Variants in BORA observed in about 807,000 individuals in gnomAD.
The protein encoded by BORA is BORA aurora kinase A activator.
A neutral mutation model predicts 55.8 loss-of-function variants in BORA; 26 were observed. The ratio of observed to expected loss-of-function variants is 0.47; its 90% confidence interval spans 0.34 to 0.65. The LOEUF (loss-of-function observed/expected upper bound fraction) is 0.65, where lower values mean the gene tolerates loss of function less well. Ranked by LOEUF, BORA falls within the 30% of genes least tolerant of loss-of-function variation. The pLI is 0.01. For missense variants in BORA, 568 were observed against 671.5 expected, an observed-to-expected ratio of 0.85 and a Z score of 1.70; for synonymous variants, 201 against 216.9, an observed-to-expected ratio of 0.93 and a Z score of 0.64.
chr13:72,748,742 CTCTCTCTCTCTCTCTCT>C (rs2033202920), intron 10 of BORA, among the ~76,000 whole-genome samples: 1 of 41,310 alleles, frequency 2.4e-5, no homozygotes. Flanking sequence ...CTCTCTCTCT[CTCTCTCTCTCTCTCTCT>C]TTTTTATATA....
intron 10 of BORA, among the ~76,000 whole-genome samples, chr13:72,749,385 T>C (rs1240175690): frequency 6.6e-6 from 1 of 152,218 alleles, no homozygotes; most frequent in Non-Finnish European, 1.5e-5. Flanking sequence ...AGAATGCCCT[T>C]ACAGTCTGTA....
chr13:72,741,856 G>A (rs1432191223), intron 5 of BORA, among the ~76,000 whole-genome samples: 2 of 152,144 alleles, frequency 1.3e-5, no homozygotes, highest in Non-Finnish European at 2.9e-5. Context: ...GAGAGCATAA[G>A]ATAATACCTA....
chr13:72,728,737 A>G (rs1459189250), intron 1 of BORA, among the ~76,000 whole-genome samples, 189 bp from the exon 2 acceptor site: 1 of 152,150 alleles, frequency 6.6e-6, no homozygotes, highest in Non-Finnish European at 1.5e-5. Flanking sequence ...TATAGCTTTC[A>G]AGGTTGTTTC....
At chr13:72,742,767 T>TAC (rs67866253) in intron 5 of BORA, among the ~76,000 whole-genome samples, 150 of 141,738 alleles carry the variant, frequency 1.1e-3, no homozygotes, top group African/African-American at 3.6e-3. Flanking sequence ...TATATATATA[T>TAC]ACACACACAC....
At chr13:72,728,603 G>T (rs1182931701) in intron 1 of BORA, among the ~76,000 whole-genome samples, 1 of 152,202 alleles carries the variant, frequency 6.6e-6, no homozygotes, top group Non-Finnish European at 1.5e-5. Flanking sequence ...ATCTGGGCCT[G>T]TTGTAACCTT....
In BORA at chr13:72,746,943, T is replaced by G. The variant is rs778449735; in HGVS notation, c.1314T>G (p.Pro438=). 5 of 1,614,152 alleles carry G rather than the reference T, an allele frequency of 3.1e-6. No individual in the cohort carries two copies. Among genetic ancestry groups the G allele is most frequent in the Non-Finnish European group, 4.2e-6 (5 of 1,179,976 alleles). Residue 438 remains proline (P), a synonymous_variant, in exon 10 of 12, where the codon CCT becomes CCG. Coordinates refer to ENST00000390667, the MANE Select transcript of BORA (RefSeq NM_024808.5). The part of the protein sequence containing the change: ...KDNNTVDMVD[P]IEIADETTWI... Reference sequence around the variant, plus strand: ...ATAACACTGTGGATATGGTTGATCCTATAGAGATAGCAGATGAGACCACTT... The same window carrying G: ...ATAACACTGTGGATATGGTTGATCCGATAGAGATAGCAGATGAGACCACTT...
At chr13:72,743,415 C>G in intron 5 of BORA, 122 bp from the exon 6 acceptor site, 1 of 540,540 alleles carries the variant, frequency 1.9e-6, no homozygotes, top group Non-Finnish European at 3.1e-6. Context: ...CTTATATATG[C>G]AGATTTTTTT....
At chr13:72,735,560 T>C (rs2032905990) in intron 4 of BORA, among the ~76,000 whole-genome samples, 1 of 152,174 alleles carries the variant, frequency 6.6e-6, no homozygotes, top group African/African-American at 2.4e-5. Flanking sequence ...TTTGCTTTTT[T>C]ATGTCTGTTG....
chr13:72,752,017 G>A (rs2033289631), intron 10 of BORA, among the ~76,000 whole-genome samples: 1 of 152,158 alleles, frequency 6.6e-6, no homozygotes, highest in African/African-American at 2.4e-5. Flanking sequence ...CACAACTGTT[G>A]CCAATTGAAA....
chr13:72,733,091 T>A (rs915006723), intron 3 of BORA, among the ~76,000 whole-genome samples: 5 of 152,338 alleles, frequency 3.3e-5, no homozygotes, highest in Admixed American at 2.0e-4. Context: ...AATATTATAA[T>A]TTAATTTAAT....
chr13:72,742,128 G>A (rs2033044779), intron 5 of BORA, among the ~76,000 whole-genome samples: 1 of 151,578 alleles, frequency 6.6e-6, no homozygotes, highest in Non-Finnish European at 1.5e-5. Context: ...CGTTTTGATA[G>A]TATTTCACAG....
Position 72,731,305 on chromosome 13 carries a change from A to G in BORA, c.178A>G (p.Ile60Val), listed in dbSNP as rs184286618. The G allele has an allele frequency of 1.3e-4, 205 of 1,611,176 alleles. No homozygotes were observed. The highest frequency in any genetic ancestry group is 3.3e-5 in the Admixed American group (2 of 59,900). Residue 60 changes from isoleucine (I) to valine (V), a missense_variant, in exon 3 of 12, where the codon ATT becomes GTT. By Grantham distance (29) the Ile-to-Val change is conservative (BLOSUM62 3). Transcript: ENST00000390667. ...GACTCCAGGGAAATTTAGATGGTCTATTGATCAACTAGCTGTAATAAATCC... is the reference window on the plus strand; with the variant it reads ...GACTCCAGGGAAATTTAGATGGTCTGTTGATCAACTAGCTGTAATAAATCC... Reference protein sequence around the residue: ...LPTPGKFRWSIDQLAVINPVE... With the variant: ...LPTPGKFRWSVDQLAVINPVE...
intron 4 of BORA, among the ~76,000 whole-genome samples, chr13:72,736,811 C>G (rs900671357): frequency 6.6e-6 from 1 of 151,914 alleles, no homozygotes; most frequent in Non-Finnish European, 1.5e-5. Context: ...TTCCATATCT[C>G]CAATATTGAT....
Position 72,751,970 on chromosome 13 carries a change from G to A in BORA, c.1483-1720G>A, listed in dbSNP as rs575861669. ...TGAGAATGATGAGGGAAGGGCTAAAGTGCTGGGCCCAGATGTCAAGGAATG... is the reference window on the plus strand; with the variant it reads ...TGAGAATGATGAGGGAAGGGCTAAAATGCTGGGCCCAGATGTCAAGGAATG... On this transcript the variant is annotated intron_variant, in intron 10 of 11. Coordinates refer to ENST00000390667, the MANE Select transcript of BORA (RefSeq NM_024808.5). Among the ~76,000 whole-genome samples the A allele has an allele frequency of 1.5e-3, 226 of 152,306 alleles. 1 individual carries two copies. The highest frequency in any genetic ancestry group is 2.8e-3 in the Admixed American group (43 of 15,296).
intron 8 of BORA, 36 bp downstream of exon 8, chr13:72,745,243 C>A: frequency 1.3e-6 from 2 of 1,546,564 alleles, no homozygotes; most frequent in Non-Finnish European, 1.8e-6. Flanking sequence ...GGCTAATATG[C>A]TGTCAAGCTT....
intron 3 of BORA, among the ~76,000 whole-genome samples, chr13:72,731,937 G>A (rs1224629289): frequency 1.3e-5 from 2 of 152,142 alleles, no homozygotes; most frequent in Non-Finnish European, 2.9e-5. Flanking sequence ...ATCACCCAGT[G>A]CAGTCTTATT....
chr13:72,751,215 G>C (rs2033266495), intron 10 of BORA, among the ~76,000 whole-genome samples: 1 of 152,076 alleles, frequency 6.6e-6, no homozygotes, highest in Non-Finnish European at 1.5e-5. Context: ...ACTAAAAATA[G>C]AACTACCATG....
In BORA at chr13:72,755,020, C is replaced by T. The variant is rs1289720485; in HGVS notation, c.1615-131C>T. ...ATGCAGAATATTGATTTATAAAATA[C>T]TGTATCTTTACTGTCCCTTCAGAGT... On this transcript the variant is annotated intron_variant, in intron 11 of 11. Transcript: ENST00000390667. The T allele has an allele frequency of 7.5e-6, 5 of 667,882 alleles. No homozygotes were observed. In the East Asian group the frequency reaches 1.4e-4, roughly 18 times the overall value. The allele number at this position is 667,882 out of a possible 1,614,324, so 41.4% of individuals were successfully genotyped here.
chr13:72,742,603 A>G (rs913977560), intron 5 of BORA, among the ~76,000 whole-genome samples: 2 of 152,066 alleles, frequency 1.3e-5, no homozygotes, highest in Admixed American at 1.3e-4. Context: ...CATCAGTCCT[A>G]CTACTGGGTA....
Sources: gnomAD v4.1 joint callset for allele counts (sites outside exome capture counted in the v4.1 genomes callset) on GRCh38, gnomAD v4.1.1 for gene constraint, MANE v1.5 for transcripts, NCBI Gene and HGNC (gene_info 2026-07-23, HGNC 2026-07-21) for gene names.